Variants in PPP1R13B observed in about 807,000 individuals in gnomAD.
PPP1R13B encodes apoptosis-stimulating of p53 protein 1.
A neutral mutation model predicts 119.8 loss-of-function variants in PPP1R13B; 44 were observed. The observed-to-expected ratio is 0.37, with a 90% CI of 0.29 to 0.47. PPP1R13B has a LOEUF of 0.47. Among genes scored for constraint, PPP1R13B ranks in the 20% least tolerant of loss-of-function variants. PPP1R13B has a pLI of 0.99. For synonymous variants in PPP1R13B, 542 were observed against 561.5 expected (o/e 0.97, Z 0.49); for missense variants, 1,227 against 1,413.5 (o/e 0.87, Z 2.12).
chr14:103,747,525 T>C (rs1029248496), intron 8 of PPP1R13B: 4 of 152,178 alleles, frequency 2.6e-5, no homozygotes, highest in African/African-American at 9.7e-5. Context: ...TAACTTTTTT[T>C]TTTTAATTTC....
chr14:103,837,653 C>G (rs1208733487), intron 1 of PPP1R13B, among the ~76,000 whole-genome samples: 3 of 152,120 alleles, frequency 2.0e-5, no homozygotes, highest in Non-Finnish European at 4.4e-5. Flanking sequence ...CTGGATCTTT[C>G]TCTTCTTCAG....
chr14:103,763,838 A>C (rs1413328358), intron 4 of PPP1R13B: 3 of 152,230 alleles, frequency 2.0e-5, no homozygotes, highest in Non-Finnish European at 4.4e-5. Flanking sequence ...GCACCCACTG[A>C]TCTGCTTTCT....
At chr14:103,777,146 C>T (rs2085221687) in intron 4 of PPP1R13B, among the ~76,000 whole-genome samples, 1 of 151,850 alleles carries the variant, frequency 6.6e-6, no homozygotes, top group East Asian at 2.0e-4. Flanking sequence ...GCGCATGCCA[C>T]CACGACCAGC....
At chr14:103,777,020 TCTCA>T (rs1279793452) in intron 4 of PPP1R13B, among the ~76,000 whole-genome samples, 2 of 151,736 alleles carry the variant, frequency 1.3e-5, no homozygotes, top group African/African-American at 2.4e-5. Flanking sequence ...TGAGATGGAG[TCTCA>T]CTCTCTTGCC....
rs956246024 is a variant in PPP1R13B at position 103,775,982 on chromosome 14, T to C, written c.354+2763A>G. ...TCTAGTATACCACATGGCTCTGCAG[T>C]GGATAATACCTGCAAAATCTAAAAT... On this transcript the variant is annotated intron_variant, in intron 4 of 16. Transcript: ENST00000202556. 2.6e-5 allele frequency among the ~76,000 whole-genome samples: 4 copies of C among 152,136 alleles called. No individual in the cohort carries two copies. The South Asian group carries it at 8.3e-4, about 32-fold the overall frequency.
chr14:103,820,937 G>C (rs1480268961), intron 1 of PPP1R13B, among the ~76,000 whole-genome samples: 5 of 152,050 alleles, frequency 3.3e-5, no homozygotes, highest in Admixed American at 1.3e-4. Context: ...CTTGTAATTT[G>C]AGTTAGTAAG....
chr14:103,778,699 C>T (rs760813946), intron 4 of PPP1R13B, 46 bp downstream of exon 4: 2 of 1,511,806 alleles, frequency 1.3e-6, no homozygotes, highest in Admixed American at 1.7e-5. Context: ...ACCCACTGCA[C>T]CTAGCCATCA....
At chr14:103,774,805 G>A (rs929221900) in intron 4 of PPP1R13B, among the ~76,000 whole-genome samples, 7 of 152,122 alleles carry the variant, frequency 4.6e-5, no homozygotes, top group African/African-American at 1.7e-4. Context: ...ACGTAAAACC[G>A]CTCTGTAGAC....
intron 4 of PPP1R13B, chr14:103,762,766 T>C: frequency 1.4e-6 from 1 of 698,794 alleles, no homozygotes; most frequent in South Asian, 1.5e-5. Flanking sequence ...GCTGCTGCTG[T>C]GGGGGCAGGT....
chr14:103,848,461 G>T, upstream of PPP1R13B: 2 of 985,450 alleles, frequency 2.0e-6, no homozygotes, highest in Non-Finnish European at 2.4e-6. Flanking sequence ...AGGGGGGTAG[G>T]CACCCGCTCG....
Position 103,748,409 on chromosome 14 carries a change from C to A in PPP1R13B, c.969+1385G>T, listed in dbSNP as rs188845482. ...CCTTCTACGTCTACCACCCTCCACA[C>A]CCACTCCCCCTAGGCAAAGGCCTTC... On this transcript the variant is annotated intron_variant, in intron 8 of 16. Transcript: ENST00000202556. Among the ~76,000 whole-genome samples, 202 of 152,342 alleles carry A rather than the reference C, an allele frequency of 1.3e-3. 1 individual carries two copies. Among genetic ancestry groups the A allele is most frequent in the African/African-American group, 4.7e-3 (195 of 41,580 alleles).
chr14:103,817,128 A>G (rs983668359), intron 1 of PPP1R13B, among the ~76,000 whole-genome samples: 5 of 152,212 alleles, frequency 3.3e-5, no homozygotes, highest in Non-Finnish European at 7.3e-5. Context: ...GAGATTATCT[A>G]TGTCATTTAC....
At chr14:103,818,681 T>C (rs2086334368) in intron 1 of PPP1R13B, among the ~76,000 whole-genome samples, 1 of 152,154 alleles carries the variant, frequency 6.6e-6, no homozygotes, top group Admixed American at 6.6e-5. Context: ...CCCATCCCTC[T>C]TGCCATGCTG....
At chr14:103,797,581 A>G in intron 1 of PPP1R13B, 63 bp from the exon 2 acceptor site, 1 of 1,329,356 alleles carries the variant, frequency 7.5e-7, no homozygotes, top group Non-Finnish European at 1.0e-6. Context: ...TAATCTGTAA[A>G]TTTAAAGTGA....
chr14:103,788,305 G>A (rs987267632), intron 2 of PPP1R13B, among the ~76,000 whole-genome samples: 4 of 152,024 alleles, frequency 2.6e-5, no homozygotes, highest in African/African-American at 9.7e-5. Flanking sequence ...TTAGCTTTTT[G>A]AGGTCTGCTA....
At chr14:103,765,140 T>C (rs745592260) in intron 4 of PPP1R13B, among the ~76,000 whole-genome samples, 1 of 152,228 alleles carries the variant, frequency 6.6e-6, no homozygotes, top group South Asian at 2.1e-4. Context: ...CTATAGCCTG[T>C]GTCAGGTCAT....
chr14:103,801,870 C>T (rs149400897), intron 1 of PPP1R13B, among the ~76,000 whole-genome samples: 1 of 152,296 alleles, frequency 6.6e-6, no homozygotes, highest in East Asian at 1.9e-4. Context: ...CAAGCATCAT[C>T]CCTCTTCCCT....
chr14:103,762,793 C>T (rs986411982), intron 4 of PPP1R13B: 31 of 779,162 alleles, frequency 4.0e-5, no homozygotes, highest in African/African-American at 2.6e-4. Flanking sequence ...GGCGGCCGCC[C>T]GCTCCAGCCA....
chr14:103,778,630 TCCTGCCCTCATGTGATCCTCCCA>T, intron 4 of PPP1R13B, 92 bp downstream of exon 4: 2 of 796,714 alleles, frequency 2.5e-6, no homozygotes, highest in African/African-American at 3.4e-5. Context: ...GATCTCAAAC[TCCTGCCCTCATGTGATCCTCCCA>T]CCTTGGCCTC....
Sources: gnomAD v4.1 joint callset for allele counts (sites outside exome capture counted in the v4.1 genomes callset) on GRCh38, gnomAD v4.1.1 for gene constraint, MANE v1.5 for transcripts, NCBI Gene and HGNC (gene_info 2026-07-23, HGNC 2026-07-21) for gene names.